The following CCDC93 variants were observed in gnomAD, a reference collection of about 807,000 sequenced individuals.
CCDC93 encodes the protein CCC complex scaffolding subunit CCDC93, also known as coiled-coil domain-containing protein 93.
CCDC93 carries 61 observed loss-of-function variants against 108.2 expected under a neutral mutation model. The observed-to-expected ratio is 0.56, with a 90% CI of 0.46 to 0.70. The LOEUF (loss-of-function observed/expected upper bound fraction) is 0.70, where lower values mean the gene tolerates loss of function less well. Among genes scored for constraint, CCDC93 ranks in the 30% least tolerant of loss-of-function variants. CCDC93 has a pLI of 0.00. For synonymous variants in CCDC93, 276 were observed against 260.4 expected (o/e 1.06, Z -0.58); for missense variants, 685 against 764.2 (o/e 0.90, Z 1.22).
chr2:117,976,728 C>A (rs1679954230), intron 8 of CCDC93, among the ~76,000 whole-genome samples: 1 of 152,120 alleles, frequency 6.6e-6, no homozygotes, highest in South Asian at 2.1e-4. Context: ...AGCTGGAATC[C>A]TAAACCAGCT....
chr2:117,966,414 G>C (rs1273306733), intron 11 of CCDC93, among the ~76,000 whole-genome samples: 1 of 152,194 alleles, frequency 6.6e-6, no homozygotes, highest in African/African-American at 2.4e-5. Context: ...GATATGGCAG[G>C]GCCATTTGAG....
chr2:117,937,114 G>C (rs1411029589), intron 20 of CCDC93, among the ~76,000 whole-genome samples: 2 of 152,176 alleles, frequency 1.3e-5, no homozygotes, highest in African/African-American at 4.8e-5. Context: ...TATTTTCAAG[G>C]ATAACAGCTT....
At chr2:118,013,906 CT>C in intron 1 of CCDC93, 47 bp downstream of exon 1, 2 of 1,509,210 alleles carry the variant, frequency 1.3e-6, no homozygotes, top group Non-Finnish European at 1.8e-6. Context: ...CGGCTCGGCC[CT>C]CTCTTCAGGA....
chr2:117,988,768 TGAAA>T (rs1424625683), intron 6 of CCDC93, among the ~76,000 whole-genome samples: 1 of 152,226 alleles, frequency 6.6e-6, no homozygotes, highest in Non-Finnish European at 1.5e-5. Flanking sequence ...GGGTATTGAC[TGAAA>T]GAAATGATGA....
chr2:118,002,401 A>C (rs1376527365), intron 3 of CCDC93, among the ~76,000 whole-genome samples: 1 of 152,188 alleles, frequency 6.6e-6, no homozygotes, highest in South Asian at 2.1e-4. Context: ...TAACTAGGTG[A>C]CCTAGGAACT....
At chr2:117,922,810 A>G (rs1166680776) in intron 23 of CCDC93, among the ~76,000 whole-genome samples, 2 of 152,154 alleles carry the variant, frequency 1.3e-5, no homozygotes, top group African/African-American at 4.8e-5. Context: ...ACTGTAATAT[A>G]TAAAACAGAA....
At chr2:117,951,266 T>C (rs1558778978) in intron 13 of CCDC93, 1 of 985,176 alleles carries the variant, frequency 1.0e-6, no homozygotes, top group Non-Finnish European at 1.2e-6. Flanking sequence ...ATCTAATCCG[T>C]AAGGAACCCA....
chr2:117,985,333 G>A, intron 7 of CCDC93: 4 of 313,194 alleles, frequency 1.3e-5, no homozygotes, highest in Non-Finnish European at 1.9e-5. Flanking sequence ...CTGTGAGGCA[G>A]AGCAGCACAC....
rs72838018 is a variant in CCDC93, at chr2:117,976,140, G to A, written c.658-860C>T. Among the ~76,000 whole-genome samples the A allele has an allele frequency of 2.9e-3, 445 of 152,224 alleles. 1 individual carries two copies. The highest frequency in any genetic ancestry group is 5.2e-3 in the Non-Finnish European group (352 of 68,008). ...GCTTTTCTATAACGAGTCTATCACT[G>A]CCCATGGGAACACTCCGAGCTCCTA... is the stretch of plus-strand genomic sequence containing the variant. On this transcript the variant is annotated intron_variant, in intron 8 of 23. Transcript: ENST00000376300.
intron 13 of CCDC93, 118 bp downstream of exon 13, chr2:117,952,253 CTG>C (rs1365883956): frequency 2.6e-6 from 2 of 754,784 alleles, no homozygotes; most frequent in Non-Finnish European, 4.8e-6. Context: ...ACTGCAGCCT[CTG>C]AGAACAGGAT....
intron 3 of CCDC93, among the ~76,000 whole-genome samples, chr2:118,005,672 A>G (rs566933413): frequency 6.6e-6 from 1 of 151,188 alleles, no homozygotes; most frequent in African/African-American, 2.4e-5. Context: ...TAAGAGGATC[A>G]CTTAAGGAAG....
chr2:117,979,407 C>A (rs994884084), intron 7 of CCDC93, among the ~76,000 whole-genome samples: 3 of 152,192 alleles, frequency 2.0e-5, no homozygotes, highest in Non-Finnish European at 2.9e-5. Flanking sequence ...GAAGCATCCC[C>A]CATGCACATG....
chr2:117,951,357 T>C (rs1679051574), intron 13 of CCDC93: 2 of 985,220 alleles, frequency 2.0e-6, no homozygotes, highest in Non-Finnish European at 2.4e-6. Flanking sequence ...AAAATTATTC[T>C]AATTGACATT....
intron 7 of CCDC93, among the ~76,000 whole-genome samples, chr2:117,983,326 T>C (rs1395600036): frequency 1.3e-5 from 2 of 152,224 alleles, no homozygotes; most frequent in Admixed American, 6.5e-5. Flanking sequence ...ACTGGGTTAC[T>C]GGGTAGTCAC....
chr2:117,939,123 A>C lies in CCDC93; in HGVS notation c.1523-12T>G. ...GTGCACTGCTGAAACTGTAAAAGTA[A>C]AGAAATCAGCACACGAATAAGAACA... is the stretch of plus-strand genomic sequence containing the variant. On this transcript the variant is annotated splice_polypyrimidine_tract_variant and intron_variant, in intron 19 of 23. Transcript: ENST00000376300. 1 of 1,551,498 alleles carries C rather than the reference A, an allele frequency of 6.4e-7. No individual in the cohort carries two copies. The highest frequency in any genetic ancestry group is 8.9e-7 in the Non-Finnish European group (1 of 1,124,378).
intron 8 of CCDC93, 47 bp downstream of exon 8, chr2:117,977,947 A>C: frequency 6.5e-7 from 1 of 1,549,974 alleles, no homozygotes; most frequent in Non-Finnish European, 8.9e-7. Context: ...GAAGGGAGTC[A>C]CTTCCATCTC....
chr2:117,983,537 TG>T (rs1290343450), intron 7 of CCDC93, among the ~76,000 whole-genome samples: 2 of 152,028 alleles, frequency 1.3e-5, no homozygotes, highest in East Asian at 3.9e-4. Flanking sequence ...ACTGAACTGT[TG>T]CTGCTAATAA....
At chr2:117,985,588 T>G (rs2104799629) in intron 7 of CCDC93, 1 of 163,454 alleles carries the variant, frequency 6.1e-6, no homozygotes, top group Non-Finnish European at 1.3e-5. Context: ...GTTCTTCATT[T>G]TCCTAGTTAG....
intron 8 of CCDC93, among the ~76,000 whole-genome samples, 165 bp from the exon 9 acceptor site, chr2:117,975,445 T>C (rs1453666843): frequency 2.0e-5 from 3 of 152,148 alleles, no homozygotes; most frequent in Non-Finnish European, 4.4e-5. Context: ...CACTAGAGTA[T>C]AGGGTGGGCA....
Sources: gnomAD v4.1 joint callset for allele counts (sites outside exome capture counted in the v4.1 genomes callset) on GRCh38, gnomAD v4.1.1 for gene constraint, MANE v1.5 for transcripts, NCBI Gene and HGNC (gene_info 2026-07-23, HGNC 2026-07-21) for gene names.